PARVB: variants seen among roughly 807,000 people sequenced by gnomAD.
The protein encoded by PARVB is parvin beta, also known as beta-parvin.
PARVB carries 46 observed loss-of-function variants against 47.0 expected under a neutral mutation model. The ratio of observed to expected loss-of-function variants is 0.98; its 90% confidence interval spans 0.77 to 1.25. The LOEUF (loss-of-function observed/expected upper bound fraction) is 1.25. Ranked by LOEUF, PARVB falls within the 50% of genes most tolerant of loss-of-function variation. The probability of loss-of-function intolerance (pLI) is 0.00; values close to 1 mark genes in which losing one functional copy is unlikely to be tolerated. For synonymous variants in PARVB, 196 were observed against 196.3 expected, an observed-to-expected ratio of 1.00 and a Z score of 0.01; for missense variants, 473 against 471.6, an observed-to-expected ratio of 1.00 and a Z score of -0.03.
chr22:44,036,145 T>G (rs1462137108), intron 1 of PARVB, among the ~76,000 whole-genome samples: 1 of 152,104 alleles, frequency 6.6e-6, no homozygotes, highest in Non-Finnish European at 1.5e-5. Context: ...TAATCCCAGC[T>G]ACTCAGGAAG....
intron 1 of PARVB, among the ~76,000 whole-genome samples, chr22:44,061,529 T>G (rs1250671651): frequency 6.6e-6 from 1 of 152,056 alleles, no homozygotes; most frequent in African/African-American, 2.4e-5. Flanking sequence ...AAATAGACCA[T>G]GAAATGGACA....
intron 2 of PARVB, among the ~76,000 whole-genome samples, chr22:44,006,579 C>T (rs947438866): frequency 2.6e-5 from 4 of 152,146 alleles, no homozygotes; most frequent in East Asian, 3.9e-4. Flanking sequence ...GAGCCGAGAT[C>T]GTGCCACTGC....
At chr22:44,020,413 A>T (rs1328980434), upstream of PARVB, among the ~76,000 whole-genome samples, 1 of 152,092 alleles carries the variant, frequency 6.6e-6, no homozygotes, top group Non-Finnish European at 1.5e-5. Flanking sequence ...GCCTCAAGTG[A>T]TTCTCTGGCC....
intron 1 of PARVB, among the ~76,000 whole-genome samples, chr22:44,056,229 T>C (rs1242159222): frequency 1.3e-5 from 2 of 152,238 alleles, no homozygotes; most frequent in African/African-American, 2.4e-5. Flanking sequence ...CTGCCTCTGC[T>C]GTGTGGCCGT....
intron 10 of PARVB, among the ~76,000 whole-genome samples, chr22:44,156,910 A>C (rs372967975): frequency 1.1e-4 from 16 of 152,274 alleles, no homozygotes; most frequent in Admixed American, 7.2e-4. Flanking sequence ...ACAGAGTGTC[A>C]CTTTGGTAAC....
upstream of PARVB, among the ~76,000 whole-genome samples, chr22:44,023,206 T>C (rs1257557014): frequency 1.3e-5 from 2 of 152,102 alleles, no homozygotes; most frequent in Admixed American, 1.3e-4. Flanking sequence ...ACATCACAGC[T>C]CAAAGCCCTG....
chr22:44,138,814 A>G (rs1417423885), intron 7 of PARVB, among the ~76,000 whole-genome samples: 1 of 152,194 alleles, frequency 6.6e-6, no homozygotes, highest in African/African-American at 2.4e-5. Context: ...ACTCCCAGGC[A>G]TCCTGAGGGC....
intron 1 of PARVB, among the ~76,000 whole-genome samples, chr22:44,028,616 C>T (rs1300808842): frequency 6.6e-6 from 1 of 152,174 alleles, no homozygotes; most frequent in Non-Finnish European, 1.5e-5. Flanking sequence ...TGTACATCTA[C>T]GTGTAGGTTT....
chr22:44,026,822 C>CT (rs2050738174), intron 1 of PARVB, among the ~76,000 whole-genome samples: 2 of 140,780 alleles, frequency 1.4e-5, no homozygotes, highest in South Asian at 4.5e-4. Context: ...GTTGAGGACT[C>CT]TAAGGGAGGA....
At chr22:44,050,953 G>A (rs565233615) in intron 1 of PARVB, among the ~76,000 whole-genome samples, 133 of 152,300 alleles carry the variant, frequency 8.7e-4, no homozygotes, top group African/African-American at 2.8e-3. Flanking sequence ...GGGCTGAGCC[G>A]GGTGTGTATT....
chr22:44,085,666 G>A (rs573833160), intron 1 of PARVB, among the ~76,000 whole-genome samples: 50 of 152,278 alleles, frequency 3.3e-4, no homozygotes, highest in African/African-American at 1.1e-3. Context: ...TTAATTAATT[G>A]TGCATCGAAT....
At chr22:44,163,831 C>G (rs780970262) in intron 11 of PARVB, 27 bp from the exon 12 acceptor site, 2 of 1,587,078 alleles carry the variant, frequency 1.3e-6, no homozygotes, top group Non-Finnish European at 1.7e-6. Flanking sequence ...TGGACCCTAA[C>G]GCTGACCCAC....
chr22:44,031,192 G>A (rs1410241983), intron 1 of PARVB, among the ~76,000 whole-genome samples: 1 of 152,214 alleles, frequency 6.6e-6, no homozygotes, highest in Non-Finnish European at 1.5e-5. Context: ...TCACTGCGAC[G>A]CTGCCCAGCA....
intron 2 of PARVB, among the ~76,000 whole-genome samples, chr22:44,014,079 T>A (rs1170031535): frequency 4.6e-5 from 7 of 152,206 alleles, no homozygotes; most frequent in Admixed American, 3.3e-4. Flanking sequence ...GAGAAAAAGA[T>A]CCACATGTAA....
At chr22:44,019,657 A>G (rs2050624158), upstream of PARVB, among the ~76,000 whole-genome samples, 1 of 152,196 alleles carries the variant, frequency 6.6e-6, no homozygotes, top group South Asian at 2.1e-4. Flanking sequence ...AGCCACATGC[A>G]CAGAGATTAC....
chr22:44,147,521 A>G (rs2053711261), intron 8 of PARVB: 2 of 397,832 alleles, frequency 5.0e-6, no homozygotes, highest in South Asian at 4.0e-5. Flanking sequence ...GAACAGGGAG[A>G]ATTCAGGACG....
intron 3 of PARVB, among the ~76,000 whole-genome samples, chr22:44,100,995 C>G (rs2052430286): frequency 6.6e-6 from 1 of 152,204 alleles, no homozygotes; most frequent in East Asian, 1.9e-4. Context: ...ATTAAAAGTG[C>G]TTTTTAAAAA....
chr22:44,078,145 T>A (rs2051819414), intron 1 of PARVB, among the ~76,000 whole-genome samples: 1 of 152,176 alleles, frequency 6.6e-6, no homozygotes, highest in African/African-American at 2.4e-5. Flanking sequence ...TCCTGTGAGC[T>A]CTGTTTGCAT....
At chr22:44,058,856 A>G (rs1038226806) in intron 1 of PARVB, among the ~76,000 whole-genome samples, 7 of 150,536 alleles carry the variant, frequency 4.7e-5, no homozygotes, top group African/African-American at 1.7e-4. Context: ...CGCCCATCGG[A>G]CGTGGATTTT....
Sources: allele counts gnomAD v4.1 joint callset (sites outside exome capture counted in the v4.1 genomes callset), GRCh38; gene constraint gnomAD v4.1.1; transcripts MANE v1.5; gene names NCBI Gene and HGNC (gene_info 2026-07-23, HGNC 2026-07-21).